Variants in KANK3 observed in about 807,000 individuals in gnomAD.
KANK3 encodes KN motif and ankyrin repeat domain-containing protein 3.
KANK3 carries 61 observed loss-of-function variants against 65.4 expected under a neutral mutation model. The observed-to-expected ratio is 0.93, with a 90% CI of 0.76 to 1.15. The LOEUF (loss-of-function observed/expected upper bound fraction) is 1.15, where lower values mean the gene tolerates loss of function less well. Ranked by LOEUF, KANK3 falls within the 50% of genes most tolerant of loss-of-function variation. The probability of loss-of-function intolerance (pLI) is 0.00; values close to 1 mark genes in which losing one functional copy is unlikely to be tolerated. For synonymous variants in KANK3, 586 were observed against 543.3 expected (o/e 1.08, Z -1.09); for missense variants, 1,187 against 1,178.8 (o/e 1.01, Z -0.10).
intron 7 of KANK3, among the ~76,000 whole-genome samples, chr19:8,326,800 G>GA (rs372665622): frequency 0.17 from 20,630 of 118,866 alleles, 1,565 homozygotes; most frequent in Middle Eastern, 0.31. Context: ...CCATCTCTCA[G>GA]AAAAAAAAAA....
chr19:8,332,851 T>A (rs140108218), intron 7 of KANK3, 163 bp downstream of exon 7: 3 of 373,180 alleles, frequency 8.0e-6, no homozygotes, highest in Non-Finnish European at 1.4e-5. Flanking sequence ...TAAAATAAAA[T>A]AATAAAATTA....
At chr19:8,339,339 T>C (rs1244111528) in intron 1 of KANK3, among the ~76,000 whole-genome samples, 1 of 149,708 alleles carries the variant, frequency 6.7e-6, no homozygotes, top group African/African-American at 2.5e-5. Context: ...CTGCGCAACA[T>C]AGCGAGACCC....
rs967890143 is a variant in KANK3, at chr19:8,333,274, G to A, written c.1720-44C>T. On this transcript the variant is annotated intron_variant, in intron 6 of 10. Transcript: ENST00000330915. This position sits in a 1 kb window ranked among gnomAD's most constrained non-coding sequence, Gnocchi z 5.0. Reference sequence around the variant, plus strand: ...AAGATAACATCGGCGATGGTCCACGGCGGCGCCGTGGTGGGGGAGCTGGGG... The same window carrying A: ...AAGATAACATCGGCGATGGTCCACGACGGCGCCGTGGTGGGGGAGCTGGGG... The A allele has an allele frequency of 1.3e-6, 2 of 1,518,222 alleles. No homozygotes were observed. The highest frequency in any genetic ancestry group is 1.8e-5 in the Admixed American group (1 of 55,488). The allele number at this position is 1,518,222 out of a possible 1,614,324, so 94.0% of individuals were successfully genotyped here. A position where few individuals can be genotyped will look rare whatever the true frequency, so the allele number is the denominator to read the frequency against.
chr19:8,324,837 A>C lies in KANK3; in HGVS notation c.2083-7T>G. 1 of 1,607,846 alleles carries C rather than the reference A, an allele frequency of 6.2e-7. No homozygotes were observed. Among genetic ancestry groups the C allele is most frequent in the Non-Finnish European group, 8.5e-7 (1 of 1,176,184 alleles). On this transcript the variant is annotated splice_polypyrimidine_tract_variant and splice_region_variant and intron_variant, in intron 8 of 10. Coordinates refer to ENST00000330915, the MANE Select transcript of KANK3 (RefSeq NM_198471.3). ...TGAGGGCTGTCTGCCCCGTCTGGGG[A>C]GTGGGGAGGAAGAGGGAACAGGCTG...
At chr19:8,337,362 C>T (rs997521984) in intron 2 of KANK3, among the ~76,000 whole-genome samples, 3 of 151,992 alleles carry the variant, frequency 2.0e-5, no homozygotes, top group Non-Finnish European at 2.9e-5. Context: ...CCACCATGCC[C>T]GGCTAATTTT....
intron 7 of KANK3, among the ~76,000 whole-genome samples, chr19:8,327,617 G>A (rs748177132): frequency 5.9e-5 from 9 of 152,122 alleles, no homozygotes; most frequent in Non-Finnish European, 1.0e-4. Flanking sequence ...GTGACAGAGC[G>A]ACACTCTGCT....
intron 1 of KANK3, among the ~76,000 whole-genome samples, chr19:8,338,359 T>C (rs1970678009): frequency 6.6e-6 from 1 of 152,000 alleles, no homozygotes; most frequent in Admixed American, 6.6e-5. Context: ...GATCCCCAGG[T>C]GTCAGATGTC....
At position 8,333,098 on chromosome 19, in the gene KANK3, G is replaced by C. The variant is rs1599647398; in HGVS notation, c.1852C>G (p.Leu618Val). The C allele has an allele frequency of 2.2e-5, 35 of 1,597,186 alleles. No homozygotes were observed. In the East Asian group the frequency reaches 7.8e-4, roughly 36 times the overall value. The change falls in exon 7 of 11, where the codon CTG becomes GTG. Residue 618 changes from leucine to valine, a missense_variant. Physicochemically the swap from Leu to Val is conservative, Grantham distance 32 (BLOSUM62 1). Transcript: ENST00000330915. This position sits in a 1 kb window ranked among gnomAD's most constrained non-coding sequence, Gnocchi z 5.0. ...GPELLAHVVN[L>V]ADGNGNTALH... The stretch of plus-strand genomic sequence containing the variant: ...GCCGTGTTCCCGTTGCCATCCGCCA[G>C]GTTCACCACGTGCGCCAGCAGTTCG...
chr19:8,333,325 T>C lies in KANK3; in HGVS notation c.1720-95A>G. The C allele has an allele frequency of 9.5e-7, 1 of 1,051,966 alleles. No individual in the cohort carries two copies. The highest frequency in any genetic ancestry group is 1.4e-6 in the Non-Finnish European group (1 of 735,526). 65.2% of individuals were successfully genotyped at this position (1,051,966 alleles called of 1,614,324 possible). ...AGGGGCGGGACTGGGAAGAGACCCA[T>C]TTGGCGTTTCCAGGCAAGTAAGGAA... On this transcript the variant is annotated intron_variant, in intron 6 of 10. Transcript: ENST00000330915. This position sits in a 1 kb window ranked among gnomAD's most constrained non-coding sequence, Gnocchi z 5.0.
At position 8,333,271 on chromosome 19, in the gene KANK3, A is replaced by C. The variant is rs753646008; in HGVS notation, c.1720-41T>G. The C allele has an allele frequency of 3.3e-6, 5 of 1,520,678 alleles. No homozygotes were observed. The highest frequency in any genetic ancestry group is 1.4e-5 in the African/African-American group (1 of 73,110). 94.2% of individuals were successfully genotyped at this position (1,520,678 alleles called of 1,614,324 possible). A position where few individuals can be genotyped will look rare whatever the true frequency, so the allele number is the denominator to read the frequency against. On this transcript the variant is annotated intron_variant, in intron 6 of 10. Transcript: ENST00000330915. The surrounding 1 kb of genome is among the most constrained non-coding windows in gnomAD (Gnocchi z 5.0). ...GCCAAGATAACATCGGCGATGGTCC[A>C]CGGCGGCGCCGTGGTGGGGGAGCTG...
chr19:8,323,906 C>T (rs1341133573), intron 10 of KANK3, among the ~76,000 whole-genome samples: 1 of 152,156 alleles, frequency 6.6e-6, no homozygotes, highest in African/African-American at 2.4e-5. Context: ...ACCCAGTCTC[C>T]AGTTCTGAAG....
In KANK3 at chr19:8,322,891, G is replaced by T; in HGVS notation, c.2414C>A (p.Thr805Lys). 1 of 1,566,604 alleles carries T rather than the reference G, an allele frequency of 6.4e-7. No individual in the cohort carries two copies. Among genetic ancestry groups the T allele is most frequent in the Non-Finnish European group, 8.6e-7 (1 of 1,156,804 alleles). The change falls in exon 11 of 11, where the codon ACA (threonine) becomes AAA (lysine). Residue 805 changes from threonine to lysine, a missense_variant. Physicochemically the swap from Thr to Lys is moderately conservative, Grantham distance 78 (BLOSUM62 -1). Coordinates refer to ENST00000330915, the MANE Select transcript of KANK3 (RefSeq NM_198471.3). ...SESPPGSQTA[T>K]PGEGECGDNG... ...GTCACCGCATTCTCCTTCACCAGGT[G>T]TGGCTGTCTGGGAGCCAGGGGGTGA...
chr19:8,333,140 C>A lies in KANK3; in HGVS notation c.1810G>T (p.Val604Leu). Residue 604 changes from valine (V) to leucine (L), a missense_variant, in exon 7 of 11, where the codon GTG becomes TTG. Coordinates refer to ENST00000330915, the MANE Select transcript of KANK3 (RefSeq NM_198471.3). This position sits in a 1 kb window ranked among gnomAD's most constrained non-coding sequence, Gnocchi z 5.0. Reference protein sequence around the residue: ...AEPVARMLEGVRRLGPELLAH... With the variant: ...AEPVARMLEGLRRLGPELLAH... ...AGCAGTTCGGGTCCCAGGCGCCTCA[C>A]CCCTTCCAGCATCCTGGCCACGGGC... The A allele has an allele frequency of 1.2e-6, 2 of 1,613,092 alleles. No individual in the cohort carries two copies. Among genetic ancestry groups the A allele is most frequent in the Non-Finnish European group, 1.7e-6 (2 of 1,179,938 alleles).
chr19:8,334,852 G>C lies in KANK3; in HGVS notation c.975C>G (p.Ala325=). The part of the protein sequence containing the change: ...GAQAVPETRE[A]GVEAAPETVE... ...CGGTCTCGGGGGCAGCCTCCACGCC[G>C]GCCTCCCGGGTCTCCGGCACGGCCT... The change falls in exon 3 of 11, where the codon GCC becomes GCG. Residue 325 remains alanine, a synonymous_variant. Coordinates refer to ENST00000330915, the MANE Select transcript of KANK3 (RefSeq NM_198471.3). The C allele has an allele frequency of 6.8e-7, 1 of 1,467,008 alleles. No homozygotes were observed. The highest frequency in any genetic ancestry group is 8.9e-7 in the Non-Finnish European group (1 of 1,118,754). 90.9% of individuals were successfully genotyped at this position (1,467,008 alleles called of 1,614,324 possible).
chr19:8,335,109 G>A lies in KANK3; in HGVS notation c.718C>T (p.Arg240Cys). Residue 240 changes from arginine (R) to cysteine (C), a missense_variant, in exon 3 of 11, where the codon CGC becomes TGC. Physicochemically the swap from Arg to Cys is radical, Grantham distance 180. This residue lies in a region of KANK3 where 1,078 missense variants were observed against 1,038.2 expected (regional missense o/e 1.04). Coordinates refer to ENST00000330915, the MANE Select transcript of KANK3 (RefSeq NM_198471.3). ...QPEPDGEAET[R>C]PDKLAQLRRL... Reference sequence around the variant, plus strand: ...CGCAGCTGGGCGAGCTTGTCCGGGCGCGTCTCAGCCTCCCCGTCCGGCTCG... The same window carrying A: ...CGCAGCTGGGCGAGCTTGTCCGGGCACGTCTCAGCCTCCCCGTCCGGCTCG... 1 of 1,285,554 alleles carries A rather than the reference G, an allele frequency of 7.8e-7. No individual in the cohort carries two copies. Among genetic ancestry groups the A allele is most frequent in the South Asian group, 2.4e-5 (1 of 41,378 alleles). 79.6% of individuals were successfully genotyped at this position (1,285,554 alleles called of 1,614,324 possible). A position where few individuals can be genotyped will look rare whatever the true frequency, so the allele number is the denominator to read the frequency against.
At chr19:8,327,841 A>G (rs1262003708) in intron 7 of KANK3, among the ~76,000 whole-genome samples, 1 of 152,162 alleles carries the variant, frequency 6.6e-6, no homozygotes, top group Admixed American at 6.5e-5. Flanking sequence ...GCCTTCCACT[A>G]AGACACCGTG....
intron 2 of KANK3, among the ~76,000 whole-genome samples, chr19:8,336,951 T>A (rs1166747542): frequency 6.6e-6 from 1 of 152,040 alleles, no homozygotes; most frequent in Admixed American, 6.6e-5. Flanking sequence ...AGGGCCACAC[T>A]TCCCTGGTTT....
At position 8,322,677 on chromosome 19, in the gene KANK3, T is replaced by G. The variant is rs111941900; in HGVS notation, c.*162A>C. 1.0e-4 allele frequency: 63 copies of G among 613,632 alleles called. No individual in the cohort carries two copies. The highest frequency in any genetic ancestry group is 9.8e-4 in the African/African-American group (53 of 54,054). The allele number at this position is 613,632 out of a possible 1,614,324, so 38.0% of individuals were successfully genotyped here. ...CCACCTCACCTTGGTGGGGCCAGAG[T>G]GAGCCCCTTCCTGCCACAGTCACCC... On this transcript the variant is annotated 3_prime_UTR_variant, in exon 11 of 11. Coordinates refer to ENST00000330915, the MANE Select transcript of KANK3 (RefSeq NM_198471.3).
intron 1 of KANK3, among the ~76,000 whole-genome samples, chr19:8,338,967 T>A (rs1206855245): frequency 6.6e-6 from 1 of 150,922 alleles, no homozygotes; most frequent in African/African-American, 2.4e-5. Context: ...TGATGGGGAA[T>A]TGCGGGCTGG....
Sources: gnomAD v4.1 joint callset for allele counts (sites outside exome capture counted in the v4.1 genomes callset) on GRCh38, gnomAD v4.1.1 for gene constraint, gnomAD v4.1.1 regional missense constraint, Gnocchi (gnomAD v3.1) non-coding constraint, MANE v1.5 for transcripts, NCBI Gene and HGNC (gene_info 2026-07-23, HGNC 2026-07-21) for gene names.